HSP90AA1: variants seen among roughly 807,000 people sequenced by gnomAD.
HSP90AA1 encodes the protein heat shock protein HSP 90-alpha.
A neutral mutation model predicts 73.3 loss-of-function variants in HSP90AA1; 18 were observed. The observed-to-expected ratio is 0.25, with a 90% CI of 0.17 to 0.36. The LOEUF (loss-of-function observed/expected upper bound fraction) is 0.36. HSP90AA1 is among the 10% of genes least tolerant of loss of function. The probability of loss-of-function intolerance (pLI) is 1.00; values close to 1 mark genes in which losing one functional copy is unlikely to be tolerated. For missense variants in HSP90AA1, 704 were observed against 874.2 expected, an observed-to-expected ratio of 0.81 and a Z score of 2.45; for synonymous variants, 477 against 296.9, an observed-to-expected ratio of 1.61 and a Z score of -6.24.
At chr14:102,122,833 G>C (rs1232892337) in intron 1 of HSP90AA1, among the ~76,000 whole-genome samples, 1 of 150,082 alleles carries the variant, frequency 6.7e-6, no homozygotes, top group Non-Finnish European at 1.5e-5. Flanking sequence ...ATGCCCAGCT[G>C]ATTTTTGTAT....
chr14:102,138,025 A>G (rs549799855), intron 1 of HSP90AA1, among the ~76,000 whole-genome samples: 18 of 152,044 alleles, frequency 1.2e-4, no homozygotes, highest in Admixed American at 5.9e-4. Context: ...AAAAAAAAAC[A>G]AAACTAAACC....
Position 102,081,524 on chromosome 14 carries a change from A to AGT in HSP90AA1, c.*187_*188insAC. 1 of 610,604 alleles carries AGT rather than the reference A, an allele frequency of 1.6e-6. No homozygotes were observed. 37.8% of individuals were successfully genotyped at this position (610,604 alleles called of 1,614,324 possible). A position where few individuals can be genotyped will look rare whatever the true frequency, so the allele number is the denominator to read the frequency against. On this transcript the variant is annotated 3_prime_UTR_variant, in exon 11 of 11. Transcript: ENST00000216281. ...AACATGAAACTCAAAAAGCATTACTAGCTCTGCTTTAGTGCCTAAGGTATC... is the reference window on the plus strand; with the variant it reads ...AACATGAAACTCAAAAAGCATTACTAGTGCTCTGCTTTAGTGCCTAAGGTATC...
chr14:102,096,472 G>A (rs1483561277), intron 2 of HSP90AA1, among the ~76,000 whole-genome samples: 1 of 152,174 alleles, frequency 6.6e-6, no homozygotes, highest in African/African-American at 2.4e-5. Flanking sequence ...TCTTCATGCT[G>A]GGTTGTTCTC....
At chr14:102,082,005 G>A in intron 10 of HSP90AA1, 106 bp downstream of exon 10, 2 of 848,910 alleles carry the variant, frequency 2.4e-6, no homozygotes, top group East Asian at 2.6e-5. Flanking sequence ...CCTCCAAGCA[G>A]CAAGCAGGAC....
intron 1 of HSP90AA1, among the ~76,000 whole-genome samples, chr14:102,124,858 C>A (rs962372024): frequency 1.3e-5 from 2 of 152,090 alleles, no homozygotes; most frequent in Non-Finnish European, 2.9e-5. Flanking sequence ...GTCTTTTGAC[C>A]TTAAGTCCAG....
intron 1 of HSP90AA1, among the ~76,000 whole-genome samples, chr14:102,130,842 G>T (rs755673184): frequency 6.6e-6 from 1 of 152,062 alleles, no homozygotes; most frequent in Non-Finnish European, 1.5e-5. Context: ...TGATCCTCCT[G>T]CCTGAGCCTC....
intron 9 of HSP90AA1, 104 bp downstream of exon 9, chr14:102,082,930 A>G (rs1595654794): frequency 1.6e-6 from 2 of 1,230,860 alleles, no homozygotes; most frequent in Non-Finnish European, 2.4e-6. Context: ...CACACAACAT[A>G]GTTTTCTGTT....
chr14:102,083,828 T>C lies in HSP90AA1; in HGVS notation c.1303A>G (p.Lys435Glu). The part of the protein sequence containing the change: ...TELAEDKENY[K>E]KFYEQFSKNI... ...TTAGAGAACTGCTCATAGAATTTCT[T>C]GTAGTTCTCTTTATCTTCCGCCAGT... Residue 435 changes from lysine (K) to glutamate (E), a missense_variant, in exon 7 of 11, where the codon AAG (lysine) becomes GAG (glutamate). Physicochemically the swap from Lys to Glu is moderately conservative, Grantham distance 56. Transcript: ENST00000216281. 6 of 1,613,838 alleles carry C rather than the reference T, an allele frequency of 3.7e-6. No individual in the cohort carries two copies. Among genetic ancestry groups the C allele is most frequent in the Non-Finnish European group, 5.1e-6 (6 of 1,179,882 alleles).
chr14:102,087,151 G>C (rs1028153265), upstream of HSP90AA1: 1 of 983,480 alleles, frequency 1.0e-6, no homozygotes, highest in Non-Finnish European at 1.2e-6. Flanking sequence ...CCCAGCCGCC[G>C]CCGCGGCCGC....
rs989932084 is a variant in HSP90AA1 at position 102,122,502 on chromosome 14, T to C, written c.155+16748A>G. On this transcript the variant is annotated intron_variant, in intron 1 of 11. Transcript: ENST00000334701. ...TTCACTGTGTTAGCCAGGATGGTCT[T>C]GATCTCCTGATCTTGTGATCCACCT... is the stretch of plus-strand genomic sequence containing the variant. Among the ~76,000 whole-genome samples, 5 of 151,836 alleles carry C rather than the reference T, an allele frequency of 3.3e-5. No individual in the cohort carries two copies. In the South Asian group the frequency reaches 1.0e-3, roughly 32 times the overall value.
chr14:102,096,662 C>T (rs544077539), intron 2 of HSP90AA1, among the ~76,000 whole-genome samples: 55 of 152,318 alleles, frequency 3.6e-4, no homozygotes, highest in African/African-American at 1.1e-3. Flanking sequence ...CAGCACATGG[C>T]ACACAGCCAT....
chr14:102,084,273 T>TGAC (rs1247008457), intron 6 of HSP90AA1, 126 bp downstream of exon 6: 2 of 868,654 alleles, frequency 2.3e-6, no homozygotes, highest in Admixed American at 2.1e-5. Context: ...CTTGAACTCC[T>TGAC]GACCTCAAGT....
upstream of HSP90AA1, among the ~76,000 whole-genome samples, chr14:102,090,033 T>C (rs2152615907): frequency 6.6e-6 from 1 of 152,240 alleles, no homozygotes; most frequent in Non-Finnish European, 1.5e-5. Context: ...CTTCCCATCC[T>C]TCTAGGAGGA....
chr14:102,099,890 T>G (rs2049471691), intron 2 of HSP90AA1, among the ~76,000 whole-genome samples: 1 of 152,096 alleles, frequency 6.6e-6, no homozygotes, highest in South Asian at 2.1e-4. Context: ...ATTCCAAAAA[T>G]AAAATTATAA....
At chr14:102,101,879 A>G in exon 2 of HSP90AA1, 1 of 1,610,924 alleles carries the variant, frequency 6.2e-7, no homozygotes, top group Non-Finnish European at 8.5e-7. Context: ...ACTTACCAGT[A>G]GCCTAAGCAA....
chr14:102,085,527 G>T, intron 3 of HSP90AA1, 96 bp from the exon 4 acceptor site: 2 of 1,341,560 alleles, frequency 1.5e-6, no homozygotes, highest in Non-Finnish European at 1.1e-6. Flanking sequence ...AGCAAGGTTT[G>T]CCGTTACTAC....
chr14:102,082,763 G>C (rs1336743078), intron 9 of HSP90AA1: 2 of 505,000 alleles, frequency 4.0e-6, no homozygotes, highest in East Asian at 3.8e-5. Flanking sequence ...TAGGATTACA[G>C]GCCGTGCCAC....
At chr14:102,090,127 C>T (rs1216447783), upstream of HSP90AA1, among the ~76,000 whole-genome samples, 2 of 152,250 alleles carry the variant, frequency 1.3e-5, 1 homozygote, top group Non-Finnish European at 2.9e-5. Context: ...GCTCCTATTT[C>T]TGTGTCTGGC....
intron 3 of HSP90AA1, 32 bp from the exon 4 acceptor site, chr14:102,085,463 AC>A (rs763750245): frequency 2.5e-6 from 4 of 1,594,886 alleles, no homozygotes; most frequent in Non-Finnish European, 3.4e-6. Context: ...TTGACTTAAT[AC>A]ATTCAATTTA....
Sources: gnomAD v4.1 joint callset for allele counts (sites outside exome capture counted in the v4.1 genomes callset) on GRCh38, gnomAD v4.1.1 for gene constraint, MANE v1.5 for transcripts, NCBI Gene and HGNC (gene_info 2026-07-23, HGNC 2026-07-21) for gene names.